The following HS6ST1 variants were observed in gnomAD, a reference collection of about 807,000 sequenced individuals.
The protein encoded by HS6ST1 is heparan-sulfate 6-O-sulfotransferase 1.
In HS6ST1, 3 loss-of-function variants were observed where a neutral mutation model predicts 25.2. That is an observed-to-expected ratio of 0.12 (90% CI 0.05 to 0.31). The LOEUF (loss-of-function observed/expected upper bound fraction) is 0.31. Ranked by LOEUF, HS6ST1 falls within the 10% of genes least tolerant of loss-of-function variation. The pLI, the probability that HS6ST1 is intolerant of heterozygous loss-of-function variation, is 1.00. For missense variants in HS6ST1, 310 were observed against 609.6 expected, an observed-to-expected ratio of 0.51 and a Z score of 5.18; for synonymous variants, 204 against 275.1, an observed-to-expected ratio of 0.74 and a Z score of 2.56.
chr2:128,275,804 A>C (rs189635055), intron 1 of HS6ST1, among the ~76,000 whole-genome samples: 1 of 152,224 alleles, frequency 6.6e-6, no homozygotes. Context: ...GAAGGTACAC[A>C]TTCCCCAAGA....
At chr2:128,289,500 A>T (rs1358191819) in intron 1 of HS6ST1, 1 of 152,222 alleles carries the variant, frequency 6.6e-6, no homozygotes, top group Non-Finnish European at 1.5e-5. Context: ...GCCACAAGGC[A>T]TGTCTGCTGC....
intron 1 of HS6ST1, among the ~76,000 whole-genome samples, chr2:128,284,355 C>A (rs997978740): frequency 6.6e-6 from 1 of 152,120 alleles, no homozygotes; most frequent in Non-Finnish European, 1.5e-5. Context: ...GCCACCTGTC[C>A]CCAGTCACAC....
chr2:128,312,161 C>T (rs1158849995), intron 1 of HS6ST1, among the ~76,000 whole-genome samples: 1 of 152,218 alleles, frequency 6.6e-6, no homozygotes, highest in Non-Finnish European at 1.5e-5. Context: ...CAGCGGCAAT[C>T]GCCCCCACCT....
chr2:128,297,013 G>T (rs1180315269), intron 1 of HS6ST1, among the ~76,000 whole-genome samples: 1 of 152,064 alleles, frequency 6.6e-6, no homozygotes, highest in African/African-American at 2.4e-5. Flanking sequence ...AGTGAGCCAG[G>T]TTCACATCAC....
chr2:128,318,622 G>A lies in HS6ST1; in HGVS notation c.-59C>T, dbSNP rs1240148083. On this transcript the variant is annotated 5_prime_UTR_variant, in exon 1 of 2. Coordinates refer to ENST00000259241, the MANE Select transcript of HS6ST1 (RefSeq NM_004807.3). The surrounding 1 kb of genome is among the most constrained non-coding windows in gnomAD (Gnocchi z 5.7). Reference sequence around the variant, plus strand: ...CGGGGCCTGGGAGGGCAGGAGGCGCGGGCGCAGCTGCCTCCGCCGCCGCCC... The same window carrying A: ...CGGGGCCTGGGAGGGCAGGAGGCGCAGGCGCAGCTGCCTCCGCCGCCGCCC... 4.1e-6 allele frequency: 3 copies of A among 739,258 alleles called. No homozygotes were observed. Among genetic ancestry groups the A allele is most frequent in the Non-Finnish European group, 5.3e-6 (3 of 562,858 alleles). The allele number at this position is 739,258 out of a possible 1,614,324, so 45.8% of individuals were successfully genotyped here.
At chr2:128,273,522 A>G (rs1325336775) in intron 1 of HS6ST1, among the ~76,000 whole-genome samples, 1 of 152,208 alleles carries the variant, frequency 6.6e-6, no homozygotes, top group East Asian at 1.9e-4. Flanking sequence ...ACGCCCCTCC[A>G]TAGCCGGTGG....
At chr2:128,297,827 T>C (rs553782727) in intron 1 of HS6ST1, among the ~76,000 whole-genome samples, 1 of 152,102 alleles carries the variant, frequency 6.6e-6, no homozygotes, top group Non-Finnish European at 1.5e-5. Context: ...AGAGTGAAAC[T>C]CTGTTTCAAA....
chr2:128,285,342 G>A (rs1030538531), intron 1 of HS6ST1, among the ~76,000 whole-genome samples: 1 of 152,154 alleles, frequency 6.6e-6, no homozygotes, highest in African/African-American at 2.4e-5. Context: ...TCCCTACGTG[G>A]GAAGGGCAGG....
chr2:128,287,785 G>T (rs1357012353), intron 1 of HS6ST1, among the ~76,000 whole-genome samples: 1 of 152,220 alleles, frequency 6.6e-6, no homozygotes, highest in East Asian at 1.9e-4. Context: ...TGAGCAGAAG[G>T]GGTGAGGACC....
chr2:128,290,817 C>CAAAAAAAAAAAAAA (rs57754041), intron 1 of HS6ST1, among the ~76,000 whole-genome samples: 19 of 60,538 alleles, frequency 3.1e-4, no homozygotes, highest in African/African-American at 6.4e-4. Context: ...ACTAAAAATA[C>CAAAAAAAAAAAAAA]AAAAAAAAAA....
intron 1 of HS6ST1, among the ~76,000 whole-genome samples, chr2:128,307,778 G>A (rs537383344): frequency 6.6e-6 from 1 of 152,254 alleles, no homozygotes; most frequent in African/African-American, 2.4e-5. Flanking sequence ...AAACAATCGG[G>A]AACCACGGGC....
At chr2:128,305,800 TGAG>T (rs1191700282) in intron 1 of HS6ST1, among the ~76,000 whole-genome samples, 1 of 152,170 alleles carries the variant, frequency 6.6e-6, no homozygotes, top group Non-Finnish European at 1.5e-5. Flanking sequence ...AGCTGGACCT[TGAG>T]GAGGGTGGGC....
At chr2:128,310,814 G>A (rs1217835689) in intron 1 of HS6ST1, among the ~76,000 whole-genome samples, 3 of 152,140 alleles carry the variant, frequency 2.0e-5, no homozygotes, top group Non-Finnish European at 2.9e-5. Flanking sequence ...TCAGGAAAGG[G>A]GCACTTTCAG....
At chr2:128,279,755 G>A (rs573288463) in intron 1 of HS6ST1, among the ~76,000 whole-genome samples, 5 of 152,284 alleles carry the variant, frequency 3.3e-5, no homozygotes, top group Admixed American at 6.5e-5. Context: ...GTGATTGTGC[G>A]ACTGCACTCC....
intron 1 of HS6ST1, among the ~76,000 whole-genome samples, chr2:128,293,997 G>A (rs574890168): frequency 1.1e-4 from 16 of 152,324 alleles, no homozygotes; most frequent in African/African-American, 3.1e-4. Context: ...GGGACACAGG[G>A]GCACCATGTG....
Position 128,318,772 on chromosome 2 carries a change from G to A in HS6ST1, c.-209C>T, listed in dbSNP as rs1694418455. On this transcript the variant is annotated 5_prime_UTR_variant, in exon 1 of 2. Coordinates refer to ENST00000259241, the MANE Select transcript of HS6ST1 (RefSeq NM_004807.3). This position sits in a 1 kb window ranked among gnomAD's most constrained non-coding sequence, Gnocchi z 5.7. ...CTCCCCGGGCCCGACGCCCGACTCC[G>A]CTCCCGCTCGGCCCCGCTCCCGGCC... Among the ~76,000 whole-genome samples, 1 of 146,848 alleles carries A rather than the reference G, an allele frequency of 6.8e-6. No homozygotes were observed. Among genetic ancestry groups the A allele is most frequent in the Non-Finnish European group, 1.5e-5 (1 of 66,042 alleles).
At chr2:128,282,242 C>G (rs1418651240) in intron 1 of HS6ST1, among the ~76,000 whole-genome samples, 1 of 152,226 alleles carries the variant, frequency 6.6e-6, no homozygotes, top group Non-Finnish European at 1.5e-5. Flanking sequence ...AAAGAAAAAA[C>G]CACCTTTAGC....
intron 1 of HS6ST1, among the ~76,000 whole-genome samples, chr2:128,313,965 A>G (rs1354410496): frequency 6.6e-6 from 1 of 150,790 alleles, no homozygotes; most frequent in Non-Finnish European, 1.5e-5. Context: ...AGGATTTTTT[A>G]TCTATTTTTA....
At chr2:128,307,059 G>A (rs1694223797) in intron 1 of HS6ST1, among the ~76,000 whole-genome samples, 2 of 152,148 alleles carry the variant, frequency 1.3e-5, no homozygotes, top group African/African-American at 2.4e-5. Flanking sequence ...CTTCAGAGCC[G>A]TGGGTTCCAG....
Sources: allele counts gnomAD v4.1 joint callset (sites outside exome capture counted in the v4.1 genomes callset), GRCh38; gene constraint gnomAD v4.1.1; non-coding constraint Gnocchi (gnomAD v3.1); transcripts MANE v1.5; gene names NCBI Gene and HGNC (gene_info 2026-07-23, HGNC 2026-07-21).